NTRK1: variants seen among roughly 807,000 people sequenced by gnomAD.
The protein encoded by NTRK1 is neurotrophic receptor tyrosine kinase 1, also known as high affinity nerve growth factor receptor.
NTRK1 carries 62 observed loss-of-function variants against 86.8 expected under a neutral mutation model. That is an observed-to-expected ratio of 0.71 (90% CI 0.58 to 0.88). NTRK1 has a LOEUF of 0.88. Ranked by LOEUF, NTRK1 falls within the 40% of genes least tolerant of loss-of-function variation. NTRK1 has a pLI of 0.00. For synonymous variants in NTRK1, 469 were observed against 456.6 expected (o/e 1.03, Z -0.35); for missense variants, 967 against 1,078.4 (o/e 0.90, Z 1.45).
upstream of NTRK1, among the ~76,000 whole-genome samples, chr1:156,856,673 C>G (rs976326987): frequency 5.9e-5 from 9 of 152,304 alleles, no homozygotes; most frequent in South Asian, 1.5e-3. Context: ...TCTGTCACCC[C>G]CTCCAAGGAG....
Position 156,866,960 on chromosome 1 carries a change from G to C in NTRK1, c.410G>C (p.Gly137Ala). The change falls in exon 4 of 17, where the codon GGC becomes GCC. Residue 137 changes from glycine to alanine, a missense_variant. Gly to Ala is a moderately conservative substitution (Grantham distance 60, BLOSUM62 0). Transcript: ENST00000524377. ...LESLSWKTVQGLSLQELVLSG... is the reference protein window; with the variant it reads ...LESLSWKTVQALSLQELVLSG... ...TCTCTCTCCTGGAAAACTGTGCAGG[G>C]CCTCTCCTTACAGGAACTGTGAGTG... 6.2e-7 allele frequency: 1 copy of C among 1,614,238 alleles called. No individual in the cohort carries two copies.
At chr1:156,842,017 G>T (rs1654809054) in intron 1 of NTRK1, 1 of 1,586,408 alleles carries the variant, frequency 6.3e-7, no homozygotes, top group Non-Finnish European at 8.6e-7. Context: ...GGTCTCACAG[G>T]CTGTCAGGAC....
At chr1:156,816,813 G>A in intron 1 of NTRK1, 2 of 1,097,906 alleles carry the variant, frequency 1.8e-6, no homozygotes, top group Non-Finnish European at 2.5e-6. Context: ...TGGCCCCGGG[G>A]GCAGGAAATG....
At chr1:156,816,605 C>T (rs1653959988) in intron 1 of NTRK1, 2 of 1,530,474 alleles carry the variant, frequency 1.3e-6, no homozygotes, top group Non-Finnish European at 8.9e-7. Context: ...AGCTCAAGCC[C>T]AGGAGGGAGG....
At position 156,876,571 on chromosome 1, in the gene NTRK1, C is replaced by T. The variant is rs763758904; in HGVS notation, c.1804C>T (p.Arg602Ter). 1.4e-5 allele frequency: 23 copies of T among 1,611,132 alleles called. No homozygotes were observed. The highest frequency in any genetic ancestry group is 2.2e-5 in the East Asian group (1 of 44,828). The change falls in exon 14 of 17, where the codon CGA becomes TGA. Residue 602 changes from arginine (R) to a stop codon, truncating the protein, a stop_gained and splice_region_variant. Coordinates refer to ENST00000524377, the MANE Select transcript of NTRK1 (RefSeq NM_002529.4). LOFTEE classifies it high-confidence loss of function. ...GCACGGGGACCTCAACCGCTTCCTC[C>T]GGTACCAGCACCTGGCCTCAGCGCT... ...MRHGDLNRFLRSHGPDAKLLA... is the reference protein window; with the variant it reads ...MRHGDLNRFL
rs909260147 is a variant in NTRK1, at chr1:156,872,836, C to T, written c.851-797C>T. Among the ~76,000 whole-genome samples, 4 of 151,904 alleles carry T rather than the reference C, an allele frequency of 2.6e-5. No homozygotes were observed. The highest frequency in any genetic ancestry group is 1.3e-4 in the Admixed American group (2 of 15,226). ...GACTACAGGCGCCCTCCACCACGCCCAGCTAATTTTTTGTATTTTTTTAGT... is the reference window on the plus strand; with the variant it reads ...GACTACAGGCGCCCTCCACCACGCCTAGCTAATTTTTTGTATTTTTTTAGT... On this transcript the variant is annotated intron_variant, in intron 7 of 16. Transcript: ENST00000524377.
At chr1:156,881,408 T>C (rs1446139670) in intron 16 of NTRK1, 49 bp from the exon 17 acceptor site, 1 of 1,541,466 alleles carries the variant, frequency 6.5e-7, no homozygotes, top group East Asian at 2.5e-5. Context: ...CCTCACTCTC[T>C]TGCCCCCAGC....
intron 1 of NTRK1, among the ~76,000 whole-genome samples, chr1:156,832,131 A>G (rs1479315996): frequency 6.6e-6 from 1 of 152,184 alleles, no homozygotes; most frequent in Non-Finnish European, 1.5e-5. Context: ...AGCAAATGAA[A>G]CTTAACTAGT....
rs375972171 is a variant in NTRK1 at position 156,875,501 on chromosome 1, G to C, written c.1355-19G>C. 232 of 1,613,478 alleles carry C rather than the reference G, an allele frequency of 1.4e-4. No individual in the cohort carries two copies. Among genetic ancestry groups the C allele is most frequent in the Non-Finnish European group, 1.9e-4 (224 of 1,180,010 alleles). ...AAGGTGTGGGCAAACCCCTCCATGC[G>C]GCTGTGTCTCCTCTCTAGGCCCGGC... On this transcript the variant is annotated intron_variant, in intron 11 of 16. Coordinates refer to ENST00000524377, the MANE Select transcript of NTRK1 (RefSeq NM_002529.4).
intron 1 of NTRK1, among the ~76,000 whole-genome samples, chr1:156,830,002 C>T (rs946987801): frequency 2.6e-5 from 4 of 152,238 alleles, no homozygotes; most frequent in African/African-American, 9.6e-5. Flanking sequence ...AGCAGTGAGT[C>T]TGATTGTTAG....
At chr1:156,822,178 C>A (rs1654207918) in intron 1 of NTRK1, among the ~76,000 whole-genome samples, 1 of 152,148 alleles carries the variant, frequency 6.6e-6, no homozygotes, top group Non-Finnish European at 1.5e-5. Context: ...CCCCTGTGCC[C>A]TCTCATTATG....
chr1:156,875,079 ACT>A lies in NTRK1; in HGVS notation c.1354+74_1354+75del, dbSNP rs147833643. The stretch of plus-strand genomic sequence containing the variant: ...CTTTGTTTCCTACTGGCTCTTCCTG[ACT>A]CTGTCTCTGGGGGGCTGTGCACATG... On this transcript the variant is annotated intron_variant, in intron 11 of 16. Coordinates refer to ENST00000524377, the MANE Select transcript of NTRK1 (RefSeq NM_002529.4). The A allele has an allele frequency of 1.2e-3, 1,355 of 1,143,376 alleles. 8 individuals are homozygous for A. The African/African-American group carries it at 0.016, about 14-fold the overall frequency. 70.8% of individuals were successfully genotyped at this position (1,143,376 alleles called of 1,614,324 possible). A position where few individuals can be genotyped will look rare whatever the true frequency, so the allele number is the denominator to read the frequency against.
intron 2 of NTRK1, among the ~76,000 whole-genome samples, chr1:156,847,479 C>A (rs1018425604): frequency 6.6e-6 from 1 of 152,090 alleles, no homozygotes; most frequent in African/African-American, 2.4e-5. Flanking sequence ...CCATGGGAGA[C>A]AATGGAACAT....
At chr1:156,816,718 C>T (rs769259542) in intron 1 of NTRK1, 2 of 1,595,276 alleles carry the variant, frequency 1.3e-6, no homozygotes, top group Non-Finnish European at 1.7e-6. Context: ...TGAGGGCAGC[C>T]TCACAAGGGA....
intron 1 of NTRK1, among the ~76,000 whole-genome samples, chr1:156,832,435 T>G (rs1654488319): frequency 6.6e-6 from 1 of 152,012 alleles, no homozygotes. Context: ...CTGCCTAGGA[T>G]GAGATTGCAA....
chr1:156,879,428 C>A (rs1648119183), intron 15 of NTRK1, 66 bp downstream of exon 15: 1 of 1,542,214 alleles, frequency 6.5e-7, no homozygotes, highest in Non-Finnish European at 8.7e-7. Flanking sequence ...GATCCCAAGA[C>A]CACTGAGAGC....
At position 156,854,423 on chromosome 1, in the gene NTRK1, T is replaced by A. The variant is rs1188563775; in HGVS notation, c.51-9931T>A. On this transcript the variant is annotated intron_variant, in intron 2 of 16. Transcript: ENST00000392302. The surrounding 1 kb of genome is among the most constrained non-coding windows in gnomAD (Gnocchi z 4.2). ...GGACAATGAGTGAGGAGCCGGGCTC[T>A]GCTCTGGGTGTGGGGTGGCCTCCTT... 10 of 1,090,444 alleles carry A rather than the reference T, an allele frequency of 9.2e-6. No homozygotes were observed. The highest frequency in any genetic ancestry group is 1.3e-5 in the Non-Finnish European group (10 of 775,870). The allele number at this position is 1,090,444 out of a possible 1,614,324, so 67.5% of individuals were successfully genotyped here. A position where few individuals can be genotyped will look rare whatever the true frequency, so the allele number is the denominator to read the frequency against.
intron 1 of NTRK1, among the ~76,000 whole-genome samples, chr1:156,828,308 C>A (rs1654376896): frequency 6.6e-6 from 1 of 152,152 alleles, no homozygotes; most frequent in African/African-American, 2.4e-5. Context: ...TTTGTTTCCA[C>A]TCTGAGGTGG....
At chr1:156,833,286 G>T (rs1320153347) in intron 1 of NTRK1, among the ~76,000 whole-genome samples, 1 of 152,230 alleles carries the variant, frequency 6.6e-6, no homozygotes, top group Non-Finnish European at 1.5e-5. Flanking sequence ...GCTGGGCGTG[G>T]TGGCTCATGC....
Sources: gnomAD v4.1 joint callset for allele counts (sites outside exome capture counted in the v4.1 genomes callset) on GRCh38, gnomAD v4.1.1 for gene constraint, Gnocchi (gnomAD v3.1) non-coding constraint, MANE v1.5 for transcripts, NCBI Gene and HGNC (gene_info 2026-07-23, HGNC 2026-07-21) for gene names.